The following ZNF644 variants were observed in gnomAD, a reference collection of about 807,000 sequenced individuals.
ZNF644 encodes the protein zinc finger protein 644, also known as zinc finger motif enhancer binding protein 2.
Under a neutral mutation model 108.0 loss-of-function variants are expected in ZNF644, and 20 were observed. The ratio of observed to expected loss-of-function variants is 0.19; its 90% CI spans 0.13 to 0.27. ZNF644 has a LOEUF of 0.27. ZNF644 is among the 10% of genes least tolerant of loss of function. ZNF644 has a pLI of 1.00. For synonymous variants in ZNF644, 542 were observed against 539.1 expected, an observed-to-expected ratio of 1.01 and a Z score of -0.08; for missense variants, 1,338 against 1,548.9, an observed-to-expected ratio of 0.86 and a Z score of 2.29.
intron 2 of ZNF644, among the ~76,000 whole-genome samples, chr1:90,954,476 A>G (rs1653541192): frequency 6.6e-6 from 1 of 151,446 alleles, no homozygotes; most frequent in Admixed American, 6.6e-5. Context: ...TTGCCATCTC[A>G]GCTCACTGCA....
intron 1 of ZNF644, chr1:91,021,182 C>T (rs188093391): frequency 6.6e-6 from 1 of 152,318 alleles, no homozygotes; most frequent in Non-Finnish European, 1.5e-5. Flanking sequence ...CCCAGGGACA[C>T]AAAGGCCAGA....
In ZNF644 at chr1:90,939,599, G is replaced by A. The variant is rs748762415; in HGVS notation, c.1755C>T (p.Thr585=). Residue 585 remains threonine, a synonymous_variant, in exon 3 of 6, where the codon ACC becomes ACT. Transcript: ENST00000337393. ...SVVGSSKKSA[T]YICKMCPFTT... is the part of the protein sequence containing the mutation. ...TAAAAGGACACATCTTACATATGTA[G>A]GTAGCTGATTTTTTGGATGATCCTA... 1 of 1,613,962 alleles carries A rather than the reference G, an allele frequency of 6.2e-7. No individual in the cohort carries two copies. The highest frequency in any genetic ancestry group is 1.1e-5 in the South Asian group (1 of 91,070).
intron 4 of ZNF644, among the ~76,000 whole-genome samples, chr1:90,924,125 G>T (rs1649764186): frequency 6.6e-6 from 1 of 152,098 alleles, no homozygotes; most frequent in Admixed American, 6.6e-5. Context: ...AGGAATTAGA[G>T]GCAGGCTAGT....
chr1:90,947,673 G>C (rs770945457), intron 2 of ZNF644, among the ~76,000 whole-genome samples: 1 of 152,072 alleles, frequency 6.6e-6, no homozygotes, highest in Non-Finnish European at 1.5e-5. Context: ...AAAAGTGAGA[G>C]TGTTCAAAGT....
chr1:90,944,059 C>T (rs1176328879), intron 2 of ZNF644, among the ~76,000 whole-genome samples: 1 of 152,124 alleles, frequency 6.6e-6, no homozygotes. Flanking sequence ...CAACAGGAAG[C>T]AATGTTGCTA....
At chr1:90,981,564 T>G (rs952474486) in intron 2 of ZNF644, among the ~76,000 whole-genome samples, 1 of 152,024 alleles carries the variant, frequency 6.6e-6, no homozygotes, top group Non-Finnish European at 1.5e-5. Context: ...AACTCCAATT[T>G]TTTCAATGTT....
At chr1:90,930,722 G>A (rs1016672635) in intron 4 of ZNF644, among the ~76,000 whole-genome samples, 2 of 152,194 alleles carry the variant, frequency 1.3e-5, no homozygotes, top group Admixed American at 1.3e-4. Context: ...TTGTATTAAT[G>A]TAAGTTTGTA....
chr1:90,931,848 A>G (rs1412871637), intron 4 of ZNF644, among the ~76,000 whole-genome samples: 1 of 152,054 alleles, frequency 6.6e-6, no homozygotes, highest in African/African-American at 2.4e-5. Flanking sequence ...AAGGCTTCTG[A>G]TTCCTAGTTC....
intron 2 of ZNF644, among the ~76,000 whole-genome samples, chr1:90,949,846 G>A (rs1404266779): frequency 2.0e-5 from 3 of 152,152 alleles, no homozygotes; most frequent in African/African-American, 7.2e-5. Context: ...TTGAATGTAT[G>A]TTACTGATTT....
chr1:90,994,123 A>C (rs1210328722), intron 1 of ZNF644, among the ~76,000 whole-genome samples: 2 of 152,228 alleles, frequency 1.3e-5, no homozygotes, highest in Non-Finnish European at 2.9e-5. Flanking sequence ...AACTATTGGG[A>C]AAGTGTCACT....
At chr1:90,943,422 C>T (rs768517606) in intron 2 of ZNF644, among the ~76,000 whole-genome samples, 7 of 152,142 alleles carry the variant, frequency 4.6e-5, no homozygotes, top group Non-Finnish European at 8.8e-5. Flanking sequence ...GCCTGTGCAA[C>T]AGAGTGAGAC....
intron 2 of ZNF644, among the ~76,000 whole-genome samples, chr1:90,973,661 A>G (rs1655721820): frequency 1.3e-5 from 2 of 152,054 alleles, no homozygotes. Flanking sequence ...TGTTTAAGAA[A>G]ACATATATAT....
chr1:90,921,415 G>A (rs1055589370), intron 4 of ZNF644, among the ~76,000 whole-genome samples: 5 of 151,432 alleles, frequency 3.3e-5, no homozygotes, highest in Non-Finnish European at 7.4e-5. Context: ...AAAACTCCAA[G>A]GAACTTAAAA....
intron 4 of ZNF644, among the ~76,000 whole-genome samples, chr1:90,931,061 T>C (rs1301417012): frequency 6.6e-6 from 1 of 152,170 alleles, no homozygotes; most frequent in Non-Finnish European, 1.5e-5. Context: ...AGGACACTTA[T>C]GAGAGTAAAA....
At position 90,940,149 on chromosome 1, in the gene ZNF644, A is replaced by C; in HGVS notation, c.1205T>G (p.Phe402Cys). The change falls in exon 3 of 6, where the codon TTC (phenylalanine) becomes TGC (cysteine). Residue 402 changes from phenylalanine (F) to cysteine (C), a missense_variant. Physicochemically the swap from Phe to Cys is radical, Grantham distance 205. Around this residue, in one of 6 missense-constraint regions of ZNF644, gnomAD observed 464 missense variants for 457.9 expected, o/e 1.01. Transcript: ENST00000337393. The part of the protein sequence containing the change: ...EESDSESPAT[F>C]STEEPSFYPC... The stretch of plus-strand genomic sequence containing the variant: ...GTAGAATGATGGCTCTTCGGTACTG[A>C]AAGTAGCAGGTGACTCAGAATCACT... 6.2e-7 allele frequency: 1 copy of C among 1,614,012 alleles called. No homozygotes were observed. The highest frequency in any genetic ancestry group is 8.5e-7 in the Non-Finnish European group (1 of 1,179,928).
At chr1:91,002,726 A>G (rs1406769321) in intron 1 of ZNF644, among the ~76,000 whole-genome samples, 2 of 152,226 alleles carry the variant, frequency 1.3e-5, no homozygotes, top group Non-Finnish European at 1.5e-5. Context: ...AGAAACTACC[A>G]TCAGAGTGAA....
chr1:91,008,736 T>C (rs1417085871), intron 1 of ZNF644, among the ~76,000 whole-genome samples: 5 of 152,198 alleles, frequency 3.3e-5, no homozygotes, highest in Non-Finnish European at 5.9e-5. Context: ...CAAAGTCAAA[T>C]ATACCTCCCG....
intron 2 of ZNF644, among the ~76,000 whole-genome samples, chr1:90,955,043 C>T (rs77304629): frequency 0.12 from 18,000 of 152,198 alleles, 1,117 homozygotes; most frequent in South Asian, 0.16. Flanking sequence ...ACAATGGATG[C>T]TGTGTTGGCA....
At chr1:90,982,006 G>C (rs185510459) in intron 2 of ZNF644, among the ~76,000 whole-genome samples, 2 of 152,176 alleles carry the variant, frequency 1.3e-5, no homozygotes, top group Admixed American at 1.3e-4. Flanking sequence ...TTCAATAAGA[G>C]TGGCTGAACC....
Sources: gnomAD v4.1 joint callset for allele counts (sites outside exome capture counted in the v4.1 genomes callset) on GRCh38, gnomAD v4.1.1 for gene constraint, gnomAD v4.1.1 regional missense constraint, MANE v1.5 for transcripts, NCBI Gene and HGNC (gene_info 2026-07-23, HGNC 2026-07-21) for gene names.